Variants in CALN1 observed in about 807,000 individuals in gnomAD.
CALN1 encodes the protein calcium-binding protein 8.
Under a neutral mutation model 30.6 loss-of-function variants are expected in CALN1, and 17 were observed. The observed-to-expected ratio is 0.56, with a 90% CI of 0.38 to 0.83. The LOEUF (loss-of-function observed/expected upper bound fraction) is 0.83, where lower values mean the gene tolerates loss of function less well. CALN1 is among the 40% of genes least tolerant of loss of function. CALN1 has a pLI of 0.00. For missense variants in CALN1, 291 were observed against 354.9 expected (o/e 0.82, Z 1.45); for synonymous variants, 156 against 131.4 (o/e 1.19, Z -1.28).
chr7:72,156,694 C>T (rs1462792157), intron 3 of CALN1, among the ~76,000 whole-genome samples: 1 of 152,214 alleles, frequency 6.6e-6, no homozygotes, highest in East Asian at 1.9e-4. Flanking sequence ...ACATAAGCGC[C>T]CTACTGGGGC....
At chr7:72,155,390 G>A (rs1473217961) in intron 3 of CALN1, among the ~76,000 whole-genome samples, 1 of 151,896 alleles carries the variant, frequency 6.6e-6, no homozygotes, top group African/African-American at 2.4e-5. Context: ...TACTCGGGAG[G>A]CTGAGGCAGG....
intron 5 of CALN1, among the ~76,000 whole-genome samples, chr7:71,881,819 T>C (rs1408933727): frequency 2.0e-5 from 3 of 151,830 alleles, no homozygotes; most frequent in African/African-American, 7.3e-5. Context: ...ATGCCTGTAA[T>C]CCCAGCACTT....
At position 71,864,061 on chromosome 7, in the gene CALN1, G is replaced by T. The variant is rs948902458; in HGVS notation, c.502-53569C>A. Reference sequence around the variant, plus strand: ...TGTTCTTTACAGATTCTCTATTGAGGTTAGTGATTTTTAATGTTTAAATAA... The same window carrying T: ...TGTTCTTTACAGATTCTCTATTGAGTTTAGTGATTTTTAATGTTTAAATAA... On this transcript the variant is annotated intron_variant, in intron 5 of 6. Transcript: ENST00000395275. Among the ~76,000 whole-genome samples, 5 of 151,868 alleles carry T rather than the reference G, an allele frequency of 3.3e-5. 1 individual carries two copies. The Middle Eastern group carries it at 9.5e-3, about 288-fold the overall frequency.
chr7:72,250,308 C>T (rs1446785122), intron 3 of CALN1, among the ~76,000 whole-genome samples: 1 of 152,184 alleles, frequency 6.6e-6, no homozygotes, highest in African/African-American at 2.4e-5. Context: ...CTTTGCCTTG[C>T]TAGCTGTGTG....
intron 2 of CALN1, among the ~76,000 whole-genome samples, chr7:72,357,416 A>C (rs1803298692): frequency 6.6e-6 from 1 of 151,964 alleles, no homozygotes; most frequent in Non-Finnish European, 1.5e-5. Context: ...TTTTATGGTG[A>C]AACAAAGGGA....
At chr7:72,236,790 G>T (rs1175885893) in intron 3 of CALN1, among the ~76,000 whole-genome samples, 1 of 152,140 alleles carries the variant, frequency 6.6e-6, no homozygotes, top group African/African-American at 2.4e-5. Flanking sequence ...GTGACTATCT[G>T]TCACATGGAA....
chr7:71,789,222 GC>G lies in CALN1; in HGVS notation c.659-1321del, dbSNP rs1315023355. On this transcript the variant is annotated intron_variant, in intron 6 of 6. Coordinates refer to ENST00000395275, the MANE Select transcript of CALN1 (RefSeq NM_031468.4). Reference sequence around the variant, plus strand: ...ACCTGAGGTCAGGAGTTTGAGACCAGCCTGGCCGACATGGTGAAACCCCATC... The same window carrying G: ...ACCTGAGGTCAGGAGTTTGAGACCAGCTGGCCGACATGGTGAAACCCCATC... 3.9e-5 allele frequency among the ~76,000 whole-genome samples: 6 copies of G among 152,156 alleles called. No individual in the cohort carries two copies. The East Asian group carries it at 1.2e-3, about 30-fold the overall frequency.
rs4029789 is a variant in CALN1, at chr7:72,445,057, AACACACACACACACACAC to A, written c.-226+1967_-226+1984del. ...AAAGCCAGCAGCCATCAGTGAATTA[AACACACACACACACACAC>A]ACACACACACACACACACACACACA... On this transcript the variant is annotated intron_variant, in intron 1 of 6. Coordinates refer to the CALN1 transcript ENST00000395276. Among the ~76,000 whole-genome samples, 69 of 138,940 alleles carry A rather than the reference AACACACACACACACACAC, an allele frequency of 5.0e-4. No homozygotes were observed. The East Asian group carries it at 7.0e-3, about 14-fold the overall frequency. The allele number at this position is 138,940 out of a possible 152,430, so 91.2% of individuals were successfully genotyped here. A position where few individuals can be genotyped will look rare whatever the true frequency, so the allele number is the denominator to read the frequency against.
intron 2 of CALN1, among the ~76,000 whole-genome samples, chr7:72,355,082 T>C (rs1048285007): frequency 3.9e-5 from 6 of 152,100 alleles, no homozygotes; most frequent in African/African-American, 1.4e-4. Context: ...CTAATTTTTG[T>C]ATTTTTTATA....
intron 5 of CALN1, among the ~76,000 whole-genome samples, chr7:71,916,076 AGACATCAATGGTAAGGATT>A (rs1356185109): frequency 6.6e-6 from 1 of 152,156 alleles, no homozygotes; most frequent in Non-Finnish European, 1.5e-5. Context: ...GAATTTCCCT[AGACATCAATGGTAAGGATT>A]ATTTGTTTTT....
Position 72,399,259 on chromosome 7 carries a change from C to G in CALN1, c.119+3992G>C, listed in dbSNP as rs1806179254. ...CTCTACAGTCCCCAGCCGGTTTTGTCTAACCTATTGCTTTTTTTTTTTTTT... is the reference window on the plus strand; with the variant it reads ...CTCTACAGTCCCCAGCCGGTTTTGTGTAACCTATTGCTTTTTTTTTTTTTT... On this transcript the variant is annotated intron_variant, in intron 2 of 6. Coordinates refer to ENST00000395275, the MANE Select transcript of CALN1 (RefSeq NM_031468.4). 4.9e-5 allele frequency among the ~76,000 whole-genome samples: 7 copies of G among 142,866 alleles called. No individual in the cohort carries two copies. The Admixed American group carries it at 4.9e-4, about 10-fold the overall frequency. 93.7% of individuals were successfully genotyped at this position (142,866 alleles called of 152,430 possible). A position where few individuals can be genotyped will look rare whatever the true frequency, so the allele number is the denominator to read the frequency against.
chr7:72,056,469 G>T (rs1803262835), intron 4 of CALN1, among the ~76,000 whole-genome samples: 1 of 152,068 alleles, frequency 6.6e-6, no homozygotes, highest in Admixed American at 6.6e-5. Context: ...GTGCTGAAAA[G>T]ACAGGTAAAG....
intron 5 of CALN1, among the ~76,000 whole-genome samples, chr7:71,887,503 G>A (rs1311291178): frequency 6.6e-6 from 1 of 152,060 alleles, no homozygotes; most frequent in Non-Finnish European, 1.5e-5. Flanking sequence ...CCATGTTGGT[G>A]GTCAGGCTAG....
chr7:71,994,625 C>G (rs1232560504), intron 5 of CALN1, among the ~76,000 whole-genome samples: 1 of 151,276 alleles, frequency 6.6e-6, no homozygotes, highest in Non-Finnish European at 1.5e-5. Context: ...TACCAACACA[C>G]CAGAGTGAGG....
intron 2 of CALN1, among the ~76,000 whole-genome samples, chr7:72,329,214 G>A (rs904079230): frequency 1.3e-5 from 2 of 152,168 alleles, no homozygotes; most frequent in East Asian, 1.9e-4. Context: ...TGGTACGTTA[G>A]AAATCACCAA....
intron 1 of CALN1, among the ~76,000 whole-genome samples, chr7:72,406,119 G>A (rs983320210): frequency 6.6e-6 from 1 of 152,160 alleles, no homozygotes; most frequent in Admixed American, 6.5e-5. Context: ...ACAAAGCCAG[G>A]GGACCCAAAA....
intron 2 of CALN1, among the ~76,000 whole-genome samples, chr7:72,359,130 G>C (rs1265342648): frequency 1.3e-5 from 2 of 151,884 alleles, no homozygotes; most frequent in Non-Finnish European, 2.9e-5. Flanking sequence ...CCATTTTCTA[G>C]GAACCCTGCA....
At chr7:72,432,620 G>T (rs1442660362) in intron 1 of CALN1, among the ~76,000 whole-genome samples, 1 of 152,014 alleles carries the variant, frequency 6.6e-6, no homozygotes, top group Non-Finnish European at 1.5e-5. Context: ...TTTTCCCTTT[G>T]TCTTGTTTTC....
chr7:72,315,870 C>T (rs772125717), intron 2 of CALN1, among the ~76,000 whole-genome samples: 4 of 151,982 alleles, frequency 2.6e-5, no homozygotes, highest in Admixed American at 6.6e-5. Context: ...ATTTCTCCGG[C>T]CGGGCGCGAA....
Sources: gnomAD v4.1 joint callset for allele counts (sites outside exome capture counted in the v4.1 genomes callset) on GRCh38, gnomAD v4.1.1 for gene constraint, MANE v1.5 for transcripts, NCBI Gene and HGNC (gene_info 2026-07-23, HGNC 2026-07-21) for gene names.